The following TMEM117 variants were observed in gnomAD, a reference collection of about 807,000 sequenced individuals.
TMEM117 encodes transmembrane protein 117.
In TMEM117, 27 loss-of-function variants were observed where a neutral mutation model predicts 52.4. The observed-to-expected ratio is 0.51, with a 90% CI of 0.38 to 0.71. The LOEUF (loss-of-function observed/expected upper bound fraction) is 0.71. Among genes scored for constraint, TMEM117 ranks in the 30% least tolerant of loss-of-function variants. The pLI is 0.00. For synonymous variants in TMEM117, 215 were observed against 206.3 expected (o/e 1.04, Z -0.36); for missense variants, 556 against 630.5 (o/e 0.88, Z 1.26).
At chr12:43,883,998 G>A (rs536045812) in intron 2 of TMEM117, among the ~76,000 whole-genome samples, 2 of 151,998 alleles carry the variant, frequency 1.3e-5, no homozygotes, top group East Asian at 1.9e-4. Flanking sequence ...TTAGCTGGGC[G>A]TGATGGCTCA....
At chr12:44,289,008 A>G (rs951733907) in intron 5 of TMEM117, among the ~76,000 whole-genome samples, 1 of 152,146 alleles carries the variant, frequency 6.6e-6, no homozygotes, top group Non-Finnish European at 1.5e-5. Context: ...TTCAAACAAC[A>G]TCTCCCAATT....
At chr12:43,854,249 G>A (rs1336254088) in intron 2 of TMEM117, among the ~76,000 whole-genome samples, 1 of 152,102 alleles carries the variant, frequency 6.6e-6, no homozygotes, top group Non-Finnish European at 1.5e-5. Flanking sequence ...AAGTTATTTT[G>A]GGGGCTGCCT....
chr12:44,132,213 C>T (rs1358408056), intron 3 of TMEM117, among the ~76,000 whole-genome samples: 6 of 144,234 alleles, frequency 4.2e-5, no homozygotes, highest in Non-Finnish European at 3.0e-5. Flanking sequence ...TTAGATGAAA[C>T]TTCTGTCTTT....
intron 3 of TMEM117, among the ~76,000 whole-genome samples, chr12:43,990,605 A>C (rs1480851952): frequency 1.3e-5 from 2 of 152,178 alleles, no homozygotes; most frequent in Non-Finnish European, 2.9e-5. Context: ...TTAATTCTTT[A>C]ACATTAATTA....
At chr12:43,866,032 G>A (rs906063320) in intron 2 of TMEM117, among the ~76,000 whole-genome samples, 7 of 151,838 alleles carry the variant, frequency 4.6e-5, no homozygotes, top group African/African-American at 1.7e-4. Flanking sequence ...TGATCCAGAA[G>A]CTGGCATTAG....
At chr12:44,185,401 T>C (rs1350706848) in intron 4 of TMEM117, among the ~76,000 whole-genome samples, 1 of 152,184 alleles carries the variant, frequency 6.6e-6, no homozygotes, top group East Asian at 1.9e-4. Flanking sequence ...TTCAAACCTT[T>C]GTCCTCTAAG....
chr12:43,839,447 T>G (rs1174453597), intron 1 of TMEM117, among the ~76,000 whole-genome samples: 2 of 152,118 alleles, frequency 1.3e-5, no homozygotes, highest in Non-Finnish European at 2.9e-5. Context: ...CTTAATTTGC[T>G]CTAAATGTGC....
intron 3 of TMEM117, among the ~76,000 whole-genome samples, chr12:44,128,354 C>G (rs1187403264): frequency 6.6e-6 from 1 of 152,226 alleles, no homozygotes; most frequent in Non-Finnish European, 1.5e-5. Flanking sequence ...CTCTCATCCC[C>G]ACTTCCTCTC....
At chr12:44,188,792 C>G (rs1433720616) in intron 4 of TMEM117, among the ~76,000 whole-genome samples, 1 of 152,000 alleles carries the variant, frequency 6.6e-6, no homozygotes, top group Non-Finnish European at 1.5e-5. Context: ...TGCCTTGTAA[C>G]ATATTATGGA....
At chr12:44,078,198 T>C (rs77544607) in intron 3 of TMEM117, among the ~76,000 whole-genome samples, 3,802 of 152,318 alleles carry the variant, frequency 0.025, 100 homozygotes, top group African/African-American at 0.066. Flanking sequence ...TTTTGCACTT[T>C]TGTTCCCCTC....
Position 44,137,605 on chromosome 12 carries a change from T to A in TMEM117, c.411-5920T>A, listed in dbSNP as rs1948510344. ...TACAGTTCCACATGGCTGGGAGGCA[T>A]CACAATCATGGTGGAAAGCAAGGAG... On this transcript the variant is annotated intron_variant, in intron 3 of 7. Transcript: ENST00000266534. Among the ~76,000 whole-genome samples the A allele has an allele frequency of 1.3e-5, 2 of 152,072 alleles. 1 individual carries two copies. Among genetic ancestry groups the A allele is most frequent in the South Asian group, 4.1e-4 (2 of 4,828 alleles).
intron 3 of TMEM117, among the ~76,000 whole-genome samples, chr12:44,035,821 G>A (rs975480782): frequency 4.6e-5 from 7 of 152,146 alleles, no homozygotes; most frequent in African/African-American, 1.4e-4. Context: ...ATGGGACCAT[G>A]AATTTTCTGT....
At chr12:44,123,037 A>G (rs1948263028) in intron 3 of TMEM117, among the ~76,000 whole-genome samples, 2 of 152,194 alleles carry the variant, frequency 1.3e-5, no homozygotes, top group Admixed American at 6.5e-5. Flanking sequence ...ACAGTATAAA[A>G]GTGTTCCTTT....
chr12:44,299,555 T>G (rs1171652946), intron 5 of TMEM117, 25 bp from the exon 6 acceptor site: 2 of 1,612,650 alleles, frequency 1.2e-6, no homozygotes, highest in East Asian at 2.2e-5. Flanking sequence ...CTTATGTTCT[T>G]TAATGAGTGT....
the TMEM117 span, among the ~76,000 whole-genome samples, chr12:43,829,591 AG>A: frequency 6.6e-6 from 1 of 152,206 alleles, no homozygotes; most frequent in African/African-American, 2.4e-5. Context: ...GAAGAAAAAA[AG>A]TTTTGAAGAA....
intron 5 of TMEM117, among the ~76,000 whole-genome samples, chr12:44,250,945 G>T (rs1254055485): frequency 6.6e-6 from 1 of 152,098 alleles, no homozygotes; most frequent in Non-Finnish European, 1.5e-5. Context: ...CATGGCACAT[G>T]TATACCTATG....
intron 3 of TMEM117, among the ~76,000 whole-genome samples, chr12:43,967,004 C>T (rs1311897113): frequency 6.6e-6 from 1 of 152,180 alleles, no homozygotes; most frequent in Non-Finnish European, 1.5e-5. Context: ...GAGATGGTCT[C>T]AGTGATCCTA....
At chr12:44,362,282 C>T (rs1330877482) in intron 6 of TMEM117, among the ~76,000 whole-genome samples, 2 of 152,046 alleles carry the variant, frequency 1.3e-5, no homozygotes, top group Admixed American at 1.3e-4. Flanking sequence ...CACCTGGTAC[C>T]CTTTCCCTGC....
chr12:44,195,808 A>G (rs1237956520), intron 4 of TMEM117, among the ~76,000 whole-genome samples: 1 of 151,976 alleles, frequency 6.6e-6, no homozygotes, highest in Admixed American at 6.6e-5. Flanking sequence ...AATCTCAACT[A>G]CCAGGGAGGC....
Sources: allele counts gnomAD v4.1 joint callset (sites outside exome capture counted in the v4.1 genomes callset), GRCh38; gene constraint gnomAD v4.1.1; transcripts MANE v1.5; gene names NCBI Gene and HGNC (gene_info 2026-07-23, HGNC 2026-07-21).